GRK1: variants seen among roughly 807,000 people sequenced by gnomAD.
The protein encoded by GRK1 is G protein-coupled receptor kinase 1.
Under a neutral mutation model 41.7 loss-of-function variants are expected in GRK1, and 28 were observed. The ratio of observed to expected loss-of-function variants is 0.67; its 90% confidence interval spans 0.50 to 0.92. The LOEUF (loss-of-function observed/expected upper bound fraction) is 0.92, where lower values mean the gene tolerates loss of function less well. Ranked by LOEUF, GRK1 falls within the 40% of genes least tolerant of loss-of-function variation. The pLI is 0.00. For synonymous variants in GRK1, 327 were observed against 286.7 expected (o/e 1.14, Z -1.42); for missense variants, 703 against 671.2 (o/e 1.05, Z -0.52).
chr13:113,671,658 T>G lies in GRK1; in HGVS notation c.985+2T>G. 1 of 755,060 alleles carries G rather than the reference T, an allele frequency of 1.3e-6. No individual in the cohort carries two copies. Among genetic ancestry groups the G allele is most frequent in the African/African-American group, 1.7e-5 (1 of 58,818 alleles). 46.8% of individuals were successfully genotyped at this position (755,060 alleles called of 1,614,324 possible). Reference sequence around the variant, plus strand: ...AGAACGTGCTGCTGGACAATGACGGTAGGAGGTGCCCTCGGCTGGGAGGGA... The same window carrying G: ...AGAACGTGCTGCTGGACAATGACGGGAGGAGGTGCCCTCGGCTGGGAGGGA... On this transcript the variant is annotated splice_donor_variant, in intron 3 of 6. Transcript: ENST00000335678. LOFTEE classifies it high-confidence loss of function. The surrounding 1 kb of genome is among the most constrained non-coding windows in gnomAD (Gnocchi z 4.1).
chr13:113,658,469 G>A, the GRK1 span, among the ~76,000 whole-genome samples: 92 of 152,342 alleles, frequency 6.0e-4, no homozygotes, highest in African/African-American at 2.1e-3. Context: ...GCACTCACAG[G>A]CCCTTCCCCT....
At chr13:113,651,120 G>A in the GRK1 span, among the ~76,000 whole-genome samples, 1 of 152,048 alleles carries the variant, frequency 6.6e-6, no homozygotes, top group African/African-American at 2.4e-5. Flanking sequence ...GGCTCCACGC[G>A]GTAATGGAAC....
At chr13:113,657,409 C>T in the GRK1 span, among the ~76,000 whole-genome samples, 55 of 152,340 alleles carry the variant, frequency 3.6e-4, no homozygotes, top group African/African-American at 1.3e-3. Flanking sequence ...CTGATGTAGA[C>T]GCAGACGCTT....
rs1249498439 is a variant in GRK1 at position 113,731,595 on chromosome 13, A to C, written c.1194+252A>C. ...GGGATTCCCAGTCACCCTGTGCCCC[A>C]GAGCAAGCAGACCCTCCCACCAGAC... is the stretch of plus-strand genomic sequence containing the variant. On this transcript the variant is annotated intron_variant, in intron 5 of 6. Transcript: ENST00000335678. The surrounding 1 kb of genome is among the most constrained non-coding windows in gnomAD (Gnocchi z 5.6). Among the ~76,000 whole-genome samples the C allele has an allele frequency of 6.6e-6, 1 of 152,106 alleles. No homozygotes were observed. The highest frequency in any genetic ancestry group is 1.5e-5 in the Non-Finnish European group (1 of 67,982).
chr13:113,733,999 TG>T (rs2049980581), intron 6 of GRK1, among the ~76,000 whole-genome samples: 2 of 142,640 alleles, frequency 1.4e-5, no homozygotes. Context: ...CATACATGTG[TG>T]TGCGTGTGCG....
In GRK1 at chr13:113,669,816, T is replaced by G; in HGVS notation, c.827+2T>G. The G allele has an allele frequency of 6.2e-7, 1 of 1,613,784 alleles. No homozygotes were observed. The highest frequency in any genetic ancestry group is 1.1e-5 in the South Asian group (1 of 91,082). On this transcript the variant is annotated splice_donor_variant, in intron 2 of 6. Transcript: ENST00000335678. LOFTEE classifies it high-confidence loss of function. The stretch of plus-strand genomic sequence containing the variant: ...CATCATGAACGGAGGTGACATCAGG[T>G]AAGGGCTGGGCCAGAGGGCACGAGG...
Position 113,671,549 on chromosome 13 carries a change from G to A in GRK1, c.878G>A (p.Arg293His), listed in dbSNP as rs755707527. 3.3e-5 allele frequency: 26 copies of A among 778,448 alleles called. No individual in the cohort carries two copies. Among genetic ancestry groups the A allele is most frequent in the African/African-American group, 1.0e-4 (6 of 59,104 alleles). 48.2% of individuals were successfully genotyped at this position (778,448 alleles called of 1,614,324 possible). Residue 293 changes from arginine (R) to histidine (H), a missense_variant, in exon 3 of 7, where the codon CGC becomes CAC. Physicochemically the swap from Arg to His is conservative, Grantham distance 29 (BLOSUM62 0). Transcript: ENST00000335678. The surrounding 1 kb of genome is among the most constrained non-coding windows in gnomAD (Gnocchi z 4.1). ...GAGAACCCTGGCTTCCCGGAGCCGCGCGCCCTCTTCTACACGGCGCAGATC... is the reference window on the plus strand; with the variant it reads ...GAGAACCCTGGCTTCCCGGAGCCGCACGCCCTCTTCTACACGGCGCAGATC... Reference protein sequence around the residue: ...NEENPGFPEPRALFYTAQIIC... With the variant: ...NEENPGFPEPHALFYTAQIIC...
At chr13:113,727,379 G>C (rs1353770437) in intron 4 of GRK1, among the ~76,000 whole-genome samples, 1 of 152,184 alleles carries the variant, frequency 6.6e-6, no homozygotes. Context: ...TGTGGACTGT[G>C]GGCTTTGAGG....
In GRK1 at chr13:113,667,507, C is replaced by T; in HGVS notation, c.121C>T (p.Leu41=). The part of the protein sequence containing the change: ...RDKKYLAKLK[L]PPLSKCESLR... ...CAAGAAGTACCTGGCCAAGCTCAAG[C>T]TGCCCCCGCTGTCCAAGTGTGAGTC... Residue 41 remains leucine (L), a synonymous_variant, in exon 1 of 7, where the codon CTG becomes TTG. Transcript: ENST00000335678. The surrounding 1 kb of genome is among the most constrained non-coding windows in gnomAD (Gnocchi z 7.5). 3 of 1,612,928 alleles carry T rather than the reference C, an allele frequency of 1.9e-6. No homozygotes were observed. The highest frequency in any genetic ancestry group is 1.1e-5 in the South Asian group (1 of 90,924).
intron 2 of GRK1, among the ~76,000 whole-genome samples, chr13:113,670,790 C>T (rs1594572191): frequency 4.2e-5 from 6 of 143,772 alleles, no homozygotes; most frequent in South Asian, 2.3e-4. Context: ...CGCTGGGAAA[C>T]GCAGACACGG....
At chr13:113,650,548 G>A in the GRK1 span, 78 of 1,518,934 alleles carry the variant, frequency 5.1e-5, no homozygotes, top group Non-Finnish European at 6.7e-5. The surrounding 1 kb of genome is among the most constrained non-coding windows in gnomAD (Gnocchi z 5.0). Context: ...GCGGGAGCTG[G>A]TGTGTGCCGG....
chr13:113,656,617 A>G, the GRK1 span, among the ~76,000 whole-genome samples: 2 of 152,210 alleles, frequency 1.3e-5, no homozygotes, highest in East Asian at 3.9e-4. Context: ...GGCCGGGTGC[A>G]GCTCACTCTG....
chr13:113,663,784 CTG>C (rs1436402261), upstream of GRK1, among the ~76,000 whole-genome samples: 1 of 152,168 alleles, frequency 6.6e-6, no homozygotes, highest in Non-Finnish European at 1.5e-5. Flanking sequence ...CAAAACAAGA[CTG>C]TGGCAGCGCT....
At chr13:113,668,562 C>T (rs370940594) in intron 1 of GRK1, among the ~76,000 whole-genome samples, 5 of 152,218 alleles carry the variant, frequency 3.3e-5, no homozygotes, top group Non-Finnish European at 4.4e-5. Context: ...GGCGTGACGC[C>T]GGGGGCAGGA....
At chr13:113,659,247 C>T in the GRK1 span, among the ~76,000 whole-genome samples, 4 of 152,214 alleles carry the variant, frequency 2.6e-5, no homozygotes, top group Admixed American at 2.6e-4. Context: ...GATGCCATTG[C>T]TGCCTGCTGG....
chr13:113,656,256 C>T, the GRK1 span, among the ~76,000 whole-genome samples: 13 of 152,292 alleles, frequency 8.5e-5, no homozygotes, highest in African/African-American at 3.1e-4. Context: ...TTGACTTGGC[C>T]GCCTGTCCCC....
At chr13:113,732,128 T>C (rs1007251577) in intron 5 of GRK1, among the ~76,000 whole-genome samples, 1 of 152,144 alleles carries the variant, frequency 6.6e-6, no homozygotes, top group South Asian at 2.1e-4. Context: ...CTGCCTCTCG[T>C]TGGACGGAGG....
intron 4 of GRK1, among the ~76,000 whole-genome samples, chr13:113,729,090 GC>G (rs1287476132): frequency 3.3e-5 from 5 of 152,278 alleles, no homozygotes; most frequent in Non-Finnish European, 5.9e-5. Context: ...CTTTTAGGGT[GC>G]TGAGGACTCG....
At chr13:113,654,315 T>C in the GRK1 span, among the ~76,000 whole-genome samples, 1 of 152,222 alleles carries the variant, frequency 6.6e-6, no homozygotes, top group Non-Finnish European at 1.5e-5. Context: ...GTCTGTCCTG[T>C]GGCCTCTGAC....
Sources: gnomAD v4.1 joint callset for allele counts (sites outside exome capture counted in the v4.1 genomes callset) on GRCh38, gnomAD v4.1.1 for gene constraint, Gnocchi (gnomAD v3.1) non-coding constraint, MANE v1.5 for transcripts, NCBI Gene and HGNC (gene_info 2026-07-23, HGNC 2026-07-21) for gene names.